LRSAM1: variants seen among roughly 807,000 people sequenced by gnomAD.
The protein encoded by LRSAM1 is leucine rich repeat and sterile alpha motif containing 1, also known as E3 ubiquitin-protein ligase LRSAM1.
A neutral mutation model predicts 118.1 loss-of-function variants in LRSAM1; 96 were observed. The ratio of observed to expected loss-of-function variants is 0.81; its 90% confidence interval spans 0.69 to 0.96. The LOEUF is 0.96. Ranked by LOEUF, LRSAM1 falls within the 40% of genes least tolerant of loss-of-function variation. The probability of loss-of-function intolerance (pLI) is 0.00; values close to 1 mark genes in which losing one functional copy is unlikely to be tolerated. For missense variants in LRSAM1, 804 were observed against 915.5 expected, an observed-to-expected ratio of 0.88 and a Z score of 1.57; for synonymous variants, 322 against 364.2, an observed-to-expected ratio of 0.88 and a Z score of 1.32.
chr9:127,486,380 A>ACT (rs1241496170), intron 17 of LRSAM1: 11 of 163,984 alleles, frequency 6.7e-5, no homozygotes, highest in Non-Finnish European at 1.5e-4. Context: ...CCCTGTGCTC[A>ACT]CTGGGCACTG....
intron 25 of LRSAM1, among the ~76,000 whole-genome samples, chr9:127,502,535 A>C (rs1312971621): frequency 4.0e-5 from 6 of 151,524 alleles, no homozygotes; most frequent in African/African-American, 9.7e-5. Flanking sequence ...AAATACAAAA[A>C]ATTTAGCCAG....
intron 10 of LRSAM1, among the ~76,000 whole-genome samples, chr9:127,473,155 T>G (rs1359282204): frequency 6.6e-6 from 1 of 152,232 alleles, no homozygotes; most frequent in Admixed American, 6.5e-5. Flanking sequence ...CCATTTTTAG[T>G]ATTTCTTGTG....
intron 21 of LRSAM1, 119 bp from the exon 22 acceptor site, chr9:127,495,201 C>T: frequency 1.2e-6 from 1 of 848,976 alleles, no homozygotes; most frequent in Non-Finnish European, 1.9e-6. Context: ...GATCTGCCCA[C>T]CTTGGCCCCC....
intron 21 of LRSAM1, among the ~76,000 whole-genome samples, 172 bp from the exon 22 acceptor site, chr9:127,495,148 T>C (rs1033566148): frequency 2.6e-5 from 4 of 152,020 alleles, no homozygotes; most frequent in African/African-American, 4.8e-5. Flanking sequence ...GTGGGGGGTT[T>C]CTCCATGTTG....
At chr9:127,481,324 C>A in intron 15 of LRSAM1, 97 bp downstream of exon 15, 1 of 1,341,462 alleles carries the variant, frequency 7.5e-7, no homozygotes, top group Non-Finnish European at 1.0e-6. Context: ...ACAATCTCGG[C>A]TCAGTGCAAC....
At chr9:127,500,666 G>A (rs1363103520) in intron 24 of LRSAM1, among the ~76,000 whole-genome samples, 1 of 152,212 alleles carries the variant, frequency 6.6e-6, no homozygotes, top group Non-Finnish European at 1.5e-5. Flanking sequence ...GTGACTCCCC[G>A]TCTCTGAGCC....
chr9:127,454,703 C>A, intron 3 of LRSAM1, 104 bp downstream of exon 3: 2 of 1,179,280 alleles, frequency 1.7e-6, no homozygotes, highest in Non-Finnish European at 2.5e-6. Context: ...TTCCCATCTG[C>A]CTCCCCCACC....
rs866996547 is a variant in LRSAM1, at chr9:127,474,268, T to C, written c.750+337T>C. 4.8e-3 allele frequency among the ~76,000 whole-genome samples: 735 copies of C among 152,076 alleles called. 6 individuals carry two copies. Among genetic ancestry groups the C allele is most frequent in the Non-Finnish European group, 8.5e-3 (575 of 67,928 alleles). On this transcript the variant is annotated intron_variant, in intron 11 of 25. Transcript: ENST00000300417. ...TGTCTTATCCTTCAGTTCTTTTTTT[T>C]TTTTTTTTCCTTTTTTTGAGACAGG...
At chr9:127,483,482 A>T (rs1835614604) in intron 16 of LRSAM1, among the ~76,000 whole-genome samples, 1 of 151,980 alleles carries the variant, frequency 6.6e-6, no homozygotes. Flanking sequence ...ATGCCCCCAA[A>T]TAGAGGATTG....
chr9:127,477,489 C>A (rs1252681541), intron 11 of LRSAM1, among the ~76,000 whole-genome samples: 1 of 152,162 alleles, frequency 6.6e-6, no homozygotes, highest in Admixed American at 6.5e-5. Flanking sequence ...GTGGCTCACG[C>A]CTATAATCCC....
intron 11 of LRSAM1, 147 bp from the exon 12 acceptor site, chr9:127,478,787 C>T: frequency 1.3e-6 from 1 of 759,210 alleles, no homozygotes; most frequent in Non-Finnish European, 2.3e-6. Flanking sequence ...CGGATCCCCT[C>T]ATCCCCCGAC....
rs974998243 is a variant in LRSAM1 at position 127,467,777 on chromosome 9, C to T, written c.566C>T (p.Pro189Leu). ...GACGCCTCGGCCATGGTCTACCCGC[C>T]GCGGGAGGTGTGTGGTGCCGGCACT... ...SLDASAMVYP[P>L]REVCGAGTAA... Residue 189 changes from proline to leucine, a missense_variant, in exon 10 of 26, where the codon CCG (proline) becomes CTG (leucine). Transcript: ENST00000300417. 1.2e-5 allele frequency: 20 copies of T among 1,610,678 alleles called. No individual in the cohort carries two copies. The highest frequency in any genetic ancestry group is 8.9e-5 in the East Asian group (4 of 44,810).
At chr9:127,487,321 C>G (rs1390502340) in intron 17 of LRSAM1, among the ~76,000 whole-genome samples, 2 of 152,178 alleles carry the variant, frequency 1.3e-5, no homozygotes, top group African/African-American at 4.8e-5. Context: ...CTTTGTCATA[C>G]TTCGGTGGCT....
At chr9:127,488,594 CTTTTCT>C (rs1459202253) in intron 18 of LRSAM1, among the ~76,000 whole-genome samples, 2 of 126,208 alleles carry the variant, frequency 1.6e-5, no homozygotes, top group African/African-American at 3.2e-5. Flanking sequence ...TTTTTCTTTT[CTTTTCT>C]TTTTTTTTTT....
At chr9:127,474,010 G>A in intron 11 of LRSAM1, 79 bp downstream of exon 11, 1 of 1,597,794 alleles carries the variant, frequency 6.3e-7, no homozygotes, top group Non-Finnish European at 8.5e-7. Context: ...AGCTGGGAAT[G>A]GAAGGGGGCG....
rs1243052196 is a variant in LRSAM1 at position 127,497,295 on chromosome 9, A to G, written c.1873A>G (p.Arg625Gly). 12 of 1,612,960 alleles carry G rather than the reference A, an allele frequency of 7.4e-6. No individual in the cohort carries two copies. The African/African-American group carries it at 1.3e-4, about 18-fold the overall frequency. Reference protein sequence around the residue: ...EAGLQHEILRRVQELLDAARI... With the variant: ...EAGLQHEILRGVQELLDAARI... Reference sequence around the variant, plus strand: ...TGGCCTGCAGCACGAGATCCTCCGGAGAGTCCAGGAACTGCTGGATGCAGC... The same window carrying G: ...TGGCCTGCAGCACGAGATCCTCCGGGGAGTCCAGGAACTGCTGGATGCAGC... Residue 625 changes from arginine (R) to glycine (G), a missense_variant, in exon 24 of 26, where the codon AGA becomes GGA. Arg to Gly is a moderately radical substitution (Grantham distance 125). Transcript: ENST00000300417.
intron 16 of LRSAM1, among the ~76,000 whole-genome samples, 187 bp from the exon 17 acceptor site, chr9:127,485,549 G>C (rs951566749): frequency 6.6e-6 from 1 of 152,084 alleles, no homozygotes; most frequent in East Asian, 1.9e-4. Context: ...GAGTGAGACT[G>C]CATCTCAAAA....
chr9:127,500,150 CA>C (rs143595102), intron 24 of LRSAM1, among the ~76,000 whole-genome samples: 64,268 of 150,436 alleles, frequency 0.43, 14,468 homozygotes, highest in Non-Finnish European at 0.49. Context: ...CACCTGAAGT[CA>C]AAAGCTTGAG....
chr9:127,496,561 AC>A (rs1487348781), intron 23 of LRSAM1, among the ~76,000 whole-genome samples: 2 of 152,210 alleles, frequency 1.3e-5, no homozygotes, highest in Non-Finnish European at 2.9e-5. Flanking sequence ...CGTGCGGGGC[AC>A]CATTTTAAGC....
Sources: gnomAD v4.1 joint callset for allele counts (sites outside exome capture counted in the v4.1 genomes callset) on GRCh38, gnomAD v4.1.1 for gene constraint, MANE v1.5 for transcripts, NCBI Gene and HGNC (gene_info 2026-07-23, HGNC 2026-07-21) for gene names.